The following UGT1A9 variants were observed in gnomAD, a reference collection of about 807,000 sequenced individuals.
UGT1A9 encodes UDP glucuronosyltransferase family 1 member A9.
In UGT1A9, 35 loss-of-function variants were observed where a neutral mutation model predicts 45.0. The ratio of observed to expected loss-of-function variants is 0.78; its 90% CI spans 0.59 to 1.03. The LOEUF (loss-of-function observed/expected upper bound fraction) is 1.03, where lower values mean the gene tolerates loss of function less well. Ranked by LOEUF, UGT1A9 falls within the 50% of genes least tolerant of loss-of-function variation. The pLI is 0.00. For synonymous variants in UGT1A9, 278 were observed against 250.6 expected, an observed-to-expected ratio of 1.11 and a Z score of -1.03; for missense variants, 687 against 666.6, an observed-to-expected ratio of 1.03 and a Z score of -0.34.
chr2:233,726,612 G>T (rs540444142), intron 1 of UGT1A9, among the ~76,000 whole-genome samples: 42 of 152,220 alleles, frequency 2.8e-4, no homozygotes, highest in African/African-American at 9.9e-4. Context: ...ACACTGTCCT[G>T]CCCAGATACC....
chr2:233,755,235 C>T lies in UGT1A9; in HGVS notation c.856-11799C>T, dbSNP rs1346915931. ...CTTGATACCCTCGGACGAGGCCTACCGGGGTACTCCCAGCACCTCGTAGTA... is the reference window on the plus strand; with the variant it reads ...CTTGATACCCTCGGACGAGGCCTACTGGGGTACTCCCAGCACCTCGTAGTA... On this transcript the variant is annotated intron_variant, in intron 1 of 4. Transcript: ENST00000354728. The T allele has an allele frequency of 1.2e-5, 11 of 904,686 alleles. No homozygotes were observed. The East Asian group carries it at 3.5e-4, about 29-fold the overall frequency. 56.0% of individuals were successfully genotyped at this position (904,686 alleles called of 1,614,324 possible).
At chr2:233,762,750 TA>T (rs777496065) in intron 1 of UGT1A9, among the ~76,000 whole-genome samples, 22 of 152,278 alleles carry the variant, frequency 1.4e-4, no homozygotes, top group East Asian at 1.9e-4. Flanking sequence ...GTGAATGTGT[TA>T]TTTTTTTGCA....
chr2:233,729,232 A>T, intron 1 of UGT1A9: 1 of 1,614,202 alleles, frequency 6.2e-7, no homozygotes, highest in African/African-American at 1.3e-5. Flanking sequence ...GGTGGTGCCC[A>T]TTGATGGCAG....
At chr2:233,749,908 A>G (rs1325539824) in intron 1 of UGT1A9, among the ~76,000 whole-genome samples, 1 of 151,938 alleles carries the variant, frequency 6.6e-6, no homozygotes, top group African/African-American at 2.4e-5. Flanking sequence ...AGCCACCTGG[A>G]ACTGTGAGTC....
chr2:233,690,761 A>G, intron 1 of UGT1A9: 3 of 731,274 alleles, frequency 4.1e-6, no homozygotes, highest in Non-Finnish European at 5.1e-6. Context: ...GTGCAGACAT[A>G]CACACACACA....
At chr2:233,720,590 G>A (rs1172062832) in intron 1 of UGT1A9, among the ~76,000 whole-genome samples, 2 of 152,014 alleles carry the variant, frequency 1.3e-5, no homozygotes, top group Non-Finnish European at 2.9e-5. Context: ...AATTTCAGAG[G>A]TGACTTTCAT....
chr2:233,749,121 A>T (rs1694116059), intron 1 of UGT1A9, among the ~76,000 whole-genome samples: 1 of 151,732 alleles, frequency 6.6e-6, no homozygotes, highest in Non-Finnish European at 1.5e-5. Context: ...TTTATGTCAT[A>T]TTCACTGAAT....
chr2:233,765,261 T>C (rs1002454529), intron 1 of UGT1A9, among the ~76,000 whole-genome samples: 2 of 152,188 alleles, frequency 1.3e-5, no homozygotes, highest in Admixed American at 1.3e-4. Flanking sequence ...ACTGGGTATA[T>C]ACCCAAAGAA....
chr2:233,678,189 A>G (rs918890565), intron 1 of UGT1A9, among the ~76,000 whole-genome samples: 1 of 152,206 alleles, frequency 6.6e-6, no homozygotes, highest in Non-Finnish European at 1.5e-5. Flanking sequence ...AGGCTGCAAG[A>G]GTTGAAAAAC....
At chr2:233,684,306 G>A (rs371001032) in intron 1 of UGT1A9, among the ~76,000 whole-genome samples, 7 of 152,274 alleles carry the variant, frequency 4.6e-5, no homozygotes, top group South Asian at 2.1e-4. Flanking sequence ...AAGACCAGGC[G>A]AGGAGATGCA....
intron 1 of UGT1A9, among the ~76,000 whole-genome samples, chr2:233,721,093 C>G (rs2076921307): frequency 6.6e-6 from 1 of 151,954 alleles, no homozygotes; most frequent in Admixed American, 6.6e-5. Flanking sequence ...GAGTTTAGGT[C>G]CTTTGTATTC....
At chr2:233,679,517 C>T (rs1008354483) in intron 1 of UGT1A9, among the ~76,000 whole-genome samples, 4 of 152,250 alleles carry the variant, frequency 2.6e-5, no homozygotes, top group Middle Eastern at 3.4e-3. Flanking sequence ...TGGTTTTCTT[C>T]CTTGCCAATA....
Position 233,672,628 on chromosome 2 carries a change from T to G in UGT1A9, c.694T>G (p.Ser232Ala), listed in dbSNP as rs2074233711. 2 of 1,613,798 alleles carry G rather than the reference T, an allele frequency of 1.2e-6. No homozygotes were observed. Residue 232 changes from serine (S) to alanine (A), a missense_variant, in exon 1 of 5, where the codon TCT becomes GCT. Physicochemically the swap from Ser to Ala is moderately conservative, Grantham distance 99 (BLOSUM62 1). Coordinates refer to ENST00000354728, the MANE Select transcript of UGT1A9 (RefSeq NM_021027.3). ...TTTCAAAAATGCCCTAGAAATAGCC[T>G]CTGAAATTCTCCAAACACCTGTTAC... ...RFFKNALEIA[S>A]EILQTPVTEY...
chr2:233,720,776 G>A (rs569960725), intron 1 of UGT1A9, among the ~76,000 whole-genome samples: 7 of 148,022 alleles, frequency 4.7e-5, no homozygotes, highest in Admixed American at 2.0e-4. Flanking sequence ...CCGGATCTCC[G>A]CTCACTGCAA....
intron 1 of UGT1A9, chr2:233,708,584 A>G (rs922814919): frequency 1.3e-5 from 2 of 152,072 alleles, no homozygotes; most frequent in Non-Finnish European, 2.9e-5. Flanking sequence ...AGATTCCTTC[A>G]CTACAGAAAG....
At chr2:233,694,255 C>G (rs2075208308) in intron 1 of UGT1A9, among the ~76,000 whole-genome samples, 1 of 151,978 alleles carries the variant, frequency 6.6e-6, no homozygotes, top group African/African-American at 2.4e-5. Context: ...GAGCCAGGGA[C>G]CAGCGAACTA....
intron 1 of UGT1A9, among the ~76,000 whole-genome samples, 180 bp from the exon 2 acceptor site, chr2:233,766,854 A>G (rs966764700): frequency 6.6e-6 from 1 of 152,226 alleles, no homozygotes. Flanking sequence ...CTCCTTTAGA[A>G]GGAAGTAAAG....
intron 1 of UGT1A9, among the ~76,000 whole-genome samples, chr2:233,711,833 G>T (rs961269951): frequency 6.6e-6 from 1 of 152,218 alleles, no homozygotes; most frequent in African/African-American, 2.4e-5. Flanking sequence ...GGACAAGGAG[G>T]CGTCAGCAAT....
intron 1 of UGT1A9, among the ~76,000 whole-genome samples, chr2:233,676,630 C>G (rs981744027): frequency 1.4e-4 from 22 of 152,170 alleles, no homozygotes; most frequent in African/African-American, 5.1e-4. Flanking sequence ...GACGGTTTCT[C>G]AGACTCTCCT....
Sources: gnomAD v4.1 joint callset for allele counts (sites outside exome capture counted in the v4.1 genomes callset) on GRCh38, gnomAD v4.1.1 for gene constraint, MANE v1.5 for transcripts, NCBI Gene and HGNC (gene_info 2026-07-23, HGNC 2026-07-21) for gene names.